NOSIP: variants seen among roughly 807,000 people sequenced by gnomAD.
NOSIP encodes the protein nitric oxide synthase-interacting protein.
NOSIP carries 25 observed loss-of-function variants against 36.4 expected under a neutral mutation model. The observed-to-expected ratio is 0.69, with a 90% confidence interval of 0.50 to 0.96. NOSIP has a LOEUF of 0.96. Ranked by LOEUF, NOSIP falls within the 40% of genes least tolerant of loss-of-function variation. NOSIP has a pLI of 0.00. For missense variants in NOSIP, 370 were observed against 429.0 expected (o/e 0.86, Z 1.21); for synonymous variants, 187 against 179.2 (o/e 1.04, Z -0.35).
At chr19:49,567,743 C>CACTGCA (rs2080430097) in intron 1 of NOSIP, among the ~76,000 whole-genome samples, 1 of 152,220 alleles carries the variant, frequency 6.6e-6, no homozygotes, top group South Asian at 2.1e-4. Context: ...GATCTCGGCT[C>CACTGCA]ACTGCAACCT....
At chr19:49,566,027 CTTT>C (rs577090472) in intron 1 of NOSIP, among the ~76,000 whole-genome samples, 1 of 145,704 alleles carries the variant, frequency 6.9e-6, no homozygotes, top group Admixed American at 6.8e-5. Context: ...TTTTCTTCTT[CTTT>C]TTTTTTTTTG....
intron 1 of NOSIP, among the ~76,000 whole-genome samples, chr19:49,564,251 A>G (rs10412446): frequency 0.4 from 61,341 of 151,714 alleles, 16,582 homozygotes; most frequent in African/African-American, 0.78. Context: ...TCAGGAGTTC[A>G]AGTCCAGCCT....
At chr19:49,571,963 G>A (rs1326500006) in intron 1 of NOSIP, among the ~76,000 whole-genome samples, 20 of 116,936 alleles carry the variant, frequency 1.7e-4, no homozygotes, top group Admixed American at 9.5e-4. Flanking sequence ...TCAGCCTGGC[G>A]ACAGAGTGAG....
At chr19:49,572,054 T>C (rs902070703) in intron 1 of NOSIP, among the ~76,000 whole-genome samples, 1 of 151,406 alleles carries the variant, frequency 6.6e-6, no homozygotes, top group African/African-American at 2.4e-5. Flanking sequence ...TGTATTTTAC[T>C]CTTTCAGCAC....
Position 49,557,075 on chromosome 19 carries a change from C to T in NOSIP, c.418+15G>A, listed in dbSNP as rs1347969299. ...GCCCCGCCCCCCAACCCACAAGAAG[C>T]CCAACCTGAGTCACCTGGGCTGGTG... is the stretch of plus-strand genomic sequence containing the variant. On this transcript the variant is annotated intron_variant, in intron 5 of 8. Coordinates refer to ENST00000596358, the MANE Select transcript of NOSIP (RefSeq NM_001270960.2). 1 of 1,606,864 alleles carries T rather than the reference C, an allele frequency of 6.2e-7. No individual in the cohort carries two copies. The highest frequency in any genetic ancestry group is 8.5e-7 in the Non-Finnish European group (1 of 1,176,522).
At chr19:49,574,548 C>T (rs1268968806) in intron 1 of NOSIP, among the ~76,000 whole-genome samples, 1 of 152,152 alleles carries the variant, frequency 6.6e-6, no homozygotes, top group Non-Finnish European at 1.5e-5. Context: ...TCTGCTCCAG[C>T]TGCCATAACA....
intron 1 of NOSIP, among the ~76,000 whole-genome samples, chr19:49,561,187 G>C (rs2080329302): frequency 6.6e-6 from 1 of 152,116 alleles, no homozygotes; most frequent in Non-Finnish European, 1.5e-5. Context: ...GCTAAGGCTT[G>C]ACCCAATCGC....
Position 49,560,376 on chromosome 19 carries a change from TAACAAGAG to T in NOSIP, c.70+238_70+245del. ...CAGTTTCTTCCTCTGGAACATGGGG[TAACAAGAG>T]CACCCTCCCTGACACTCTGTTGGGA... On this transcript the variant is annotated intron_variant, in intron 2 of 8. Transcript: ENST00000596358. This position sits in a 1 kb window ranked among gnomAD's most constrained non-coding sequence, Gnocchi z 4.6. 1.7e-6 allele frequency: 1 copy of T among 581,982 alleles called. No homozygotes were observed. The highest frequency in any genetic ancestry group is 3.1e-6 in the Non-Finnish European group (1 of 325,908). The allele number at this position is 581,982 out of a possible 1,614,324, so 36.1% of individuals were successfully genotyped here.
intron 1 of NOSIP, among the ~76,000 whole-genome samples, chr19:49,575,419 G>A (rs1324269862): frequency 6.6e-6 from 1 of 152,128 alleles, no homozygotes; most frequent in East Asian, 1.9e-4. Context: ...TTCAATATAC[G>A]AATCTGGGGG....
chr19:49,560,061 G>A lies in NOSIP; in HGVS notation c.71-22C>T. On this transcript the variant is annotated intron_variant, in intron 2 of 8. Coordinates refer to ENST00000596358, the MANE Select transcript of NOSIP (RefSeq NM_001270960.2). The surrounding 1 kb of genome is among the most constrained non-coding windows in gnomAD (Gnocchi z 4.6). ...GCCGCTGGGGACAGAGATGGGCAGA[G>A]TGATGGAGGGGCGGAGCAACAGGAG... 1 of 1,534,706 alleles carries A rather than the reference G, an allele frequency of 6.5e-7. No homozygotes were observed. Among genetic ancestry groups the A allele is most frequent in the Non-Finnish European group, 9.0e-7 (1 of 1,110,798 alleles).
At chr19:49,567,224 G>C (rs1282447437) in intron 1 of NOSIP, among the ~76,000 whole-genome samples, 1 of 145,666 alleles carries the variant, frequency 6.9e-6, no homozygotes, top group Admixed American at 6.9e-5. Flanking sequence ...CCGGGTTCAC[G>C]CCATTCTCCT....
chr19:49,569,937 C>A (rs952208816), intron 1 of NOSIP, among the ~76,000 whole-genome samples: 3 of 151,962 alleles, frequency 2.0e-5, no homozygotes, highest in African/African-American at 4.8e-5. Flanking sequence ...CATGGTAAAA[C>A]CCTGTCTCTA....
In NOSIP at chr19:49,556,321, T is replaced by C. The variant is rs1442939703; in HGVS notation, c.830A>G (p.Gln277Arg). The C allele has an allele frequency of 3.1e-6, 5 of 1,610,712 alleles. No homozygotes were observed. Among genetic ancestry groups the C allele is most frequent in the East Asian group, 2.2e-5 (1 of 44,760 alleles). Residue 277 changes from glutamine to arginine, a missense_variant, in exon 8 of 9, where the codon CAG becomes CGG. Coordinates refer to ENST00000596358, the MANE Select transcript of NOSIP (RefSeq NM_001270960.2). ...GGGGAGGGGTGGGACTCTTACCCGC[T>C]GCAGCACGATGATGTCGCGGTCTGT... is the stretch of plus-strand genomic sequence containing the variant. ...KLTDRDIIVL[Q>R]RGGTGFAGSG...
At chr19:49,562,881 GAAAA>G (rs1568404802) in intron 1 of NOSIP, among the ~76,000 whole-genome samples, 1 of 151,990 alleles carries the variant, frequency 6.6e-6, no homozygotes, top group Admixed American at 6.6e-5. Context: ...TCTGTCAAAA[GAAAA>G]AGAAGAGAAG....
intron 1 of NOSIP, among the ~76,000 whole-genome samples, chr19:49,573,900 C>T (rs2080518922): frequency 6.7e-6 from 1 of 149,366 alleles, no homozygotes; most frequent in Non-Finnish European, 1.5e-5. Flanking sequence ...CACTCTGTCA[C>T]CCGGACTGGA....
At chr19:49,567,188 T>A (rs1361031154) in intron 1 of NOSIP, among the ~76,000 whole-genome samples, 1 of 145,192 alleles carries the variant, frequency 6.9e-6, no homozygotes. Context: ...AGTGGCGCGA[T>A]CTCGGCTCAC....
At chr19:49,573,433 G>A (rs1006796485) in intron 1 of NOSIP, among the ~76,000 whole-genome samples, 14 of 152,054 alleles carry the variant, frequency 9.2e-5, no homozygotes, top group Admixed American at 5.9e-4. Context: ...TCGGTATTTC[G>A]GCTCCAGAGT....
chr19:49,558,550 C>T (rs906381576), intron 4 of NOSIP: 1 of 200,350 alleles, frequency 5.0e-6, no homozygotes, highest in South Asian at 1.1e-4. Flanking sequence ...TGAGCCACCA[C>T]CCCCGACCCA....
rs2080226909 is a variant in NOSIP, at chr19:49,555,722, A to G, written c.*29T>C. Reference sequence around the variant, plus strand: ...AAGGCGCCACGTCGTTGCGCACCCAAGCCGGTTTATTTGGTCTCCCGCACA... The same window carrying G: ...AAGGCGCCACGTCGTTGCGCACCCAGGCCGGTTTATTTGGTCTCCCGCACA... On this transcript the variant is annotated 3_prime_UTR_variant, in exon 9 of 9. Coordinates refer to ENST00000596358, the MANE Select transcript of NOSIP (RefSeq NM_001270960.2). The G allele has an allele frequency of 1.9e-6, 3 of 1,603,294 alleles. No individual in the cohort carries two copies. In the South Asian group the frequency reaches 3.3e-5, roughly 18 times the overall value.
Sources: gnomAD v4.1 joint callset for allele counts (sites outside exome capture counted in the v4.1 genomes callset) on GRCh38, gnomAD v4.1.1 for gene constraint, Gnocchi (gnomAD v3.1) non-coding constraint, MANE v1.5 for transcripts, NCBI Gene and HGNC (gene_info 2026-07-23, HGNC 2026-07-21) for gene names.